GTF2A1L: variants seen among roughly 807,000 people sequenced by gnomAD.
The protein encoded by GTF2A1L is TFIIA-alpha and beta-like factor.
In GTF2A1L, 48 loss-of-function variants were observed where a neutral mutation model predicts 49.7. The ratio of observed to expected loss-of-function variants is 0.97; its 90% confidence interval spans 0.77 to 1.23. The LOEUF (loss-of-function observed/expected upper bound fraction) is 1.23. GTF2A1L is among the 50% of genes most tolerant of loss of function. The probability of loss-of-function intolerance (pLI) is 0.00; values close to 1 mark genes in which losing one functional copy is unlikely to be tolerated. For synonymous variants in GTF2A1L, 246 were observed against 193.5 expected, an observed-to-expected ratio of 1.27 and a Z score of -2.25; for missense variants, 736 against 564.8, an observed-to-expected ratio of 1.30 and a Z score of -3.07.
chr2:48,622,690 C>T (rs529864516), intron 3 of GTF2A1L, among the ~76,000 whole-genome samples: 8 of 152,136 alleles, frequency 5.3e-5, no homozygotes, highest in Admixed American at 3.9e-4. Flanking sequence ...AAAAATTAGC[C>T]AGGCGTGGTG....
intron 3 of GTF2A1L, 155 bp downstream of exon 3, chr2:48,621,445 C>G: frequency 2.1e-6 from 2 of 964,898 alleles, no homozygotes; most frequent in Non-Finnish European, 2.8e-6. Context: ...AATCATTGCC[C>G]CATGTAATTA....
rs1385880580 is a variant in GTF2A1L, at chr2:48,673,623, A to G, written c.1329+1943A>G. On this transcript the variant is annotated intron_variant, in intron 8 of 8. Coordinates refer to ENST00000403751, the MANE Select transcript of GTF2A1L (RefSeq NM_006872.5). ...ATCTACCCACCTGGGAAGTGCTGGGATTATAGGTGTGAGCCACTGCACCCA... is the reference window on the plus strand; with the variant it reads ...ATCTACCCACCTGGGAAGTGCTGGGGTTATAGGTGTGAGCCACTGCACCCA... Among the ~76,000 whole-genome samples, 3 of 152,050 alleles carry G rather than the reference A, an allele frequency of 2.0e-5. No individual in the cohort carries two copies. The East Asian group carries it at 5.8e-4, about 29-fold the overall frequency.
chr2:48,632,410 G>T (rs1354587203), intron 3 of GTF2A1L: 1 of 150,394 alleles, frequency 6.6e-6, no homozygotes, highest in Non-Finnish European at 1.5e-5. Flanking sequence ...TTTTGACAGA[G>T]TCTTACTCTG....
intron 8 of GTF2A1L, among the ~76,000 whole-genome samples, chr2:48,676,358 C>T (rs1038441028): frequency 1.3e-5 from 2 of 151,454 alleles, no homozygotes; most frequent in African/African-American, 2.4e-5. Flanking sequence ...CTATTAAATC[C>T]CCAGAAATGG....
chr2:48,619,753 A>T (rs1234524265), intron 1 of GTF2A1L, among the ~76,000 whole-genome samples: 1 of 152,222 alleles, frequency 6.6e-6, no homozygotes, highest in Non-Finnish European at 1.5e-5. Context: ...GGCATAGTTT[A>T]TATAGATATG....
intron 8 of GTF2A1L, among the ~76,000 whole-genome samples, chr2:48,674,633 A>T (rs1047926891): frequency 6.6e-6 from 1 of 152,172 alleles, no homozygotes; most frequent in African/African-American, 2.4e-5. Flanking sequence ...TCTATAAAAA[A>T]ACATTATAAG....
Position 48,627,690 on chromosome 2 carries a change from T to C in GTF2A1L, c.247+6400T>C, listed in dbSNP as rs1327066161. The stretch of plus-strand genomic sequence containing the variant: ...CAGATATTCTTTCAAGTAAAAATGG[T>C]GTTTCTTGAAAAAAGAGGCCATGTT... On this transcript the variant is annotated intron_variant, in intron 3 of 8. Transcript: ENST00000403751. Among the ~76,000 whole-genome samples, 6 of 144,318 alleles carry C rather than the reference T, an allele frequency of 4.2e-5. 1 individual carries two copies. The Admixed American group carries it at 4.2e-4, about 10-fold the overall frequency. The allele number at this position is 144,318 out of a possible 152,430, so 94.7% of individuals were successfully genotyped here.
intron 3 of GTF2A1L, among the ~76,000 whole-genome samples, chr2:48,629,253 A>AG (rs1198689651): frequency 2.1e-5 from 3 of 143,750 alleles, no homozygotes; most frequent in African/African-American, 7.4e-5. Flanking sequence ...AAAAAAAAAA[A>AG]GTGACTTTAT....
chr2:48,621,023 C>T (rs1238270668), intron 2 of GTF2A1L, 71 bp downstream of exon 2: 1 of 1,527,022 alleles, frequency 6.5e-7, no homozygotes, highest in Non-Finnish European at 8.8e-7. Context: ...TGATATAGTT[C>T]TGATCTCTCA....
In GTF2A1L at chr2:48,625,127, G is replaced by T. The variant is rs1227298349; in HGVS notation, c.247+3837G>T. 1.4e-5 allele frequency among the ~76,000 whole-genome samples: 2 copies of T among 143,732 alleles called. 1 individual carries two copies. Among genetic ancestry groups the T allele is most frequent in the Non-Finnish European group, 3.1e-5 (2 of 63,794 alleles). 94.3% of individuals were successfully genotyped at this position (143,732 alleles called of 152,430 possible). ...GTAATTCTATTTTTAATTTATTTAG[G>T]AATCTCTGCACAGTTTTATACAATG... On this transcript the variant is annotated intron_variant, in intron 3 of 8. Coordinates refer to ENST00000403751, the MANE Select transcript of GTF2A1L (RefSeq NM_006872.5).
chr2:48,643,295 A>G (rs996395871), intron 4 of GTF2A1L, among the ~76,000 whole-genome samples: 1 of 152,218 alleles, frequency 6.6e-6, no homozygotes, highest in Non-Finnish European at 1.5e-5. Flanking sequence ...TTTTTCGGGT[A>G]GAGAAGAATA....
rs5830998 is a variant in GTF2A1L at position 48,677,978 on chromosome 2, GGTGTGTGT to G, written c.1330-1332_1330-1325del. Among the ~76,000 whole-genome samples the G allele has an allele frequency of 3.0e-3, 438 of 148,030 alleles. 1 individual carries two copies. The highest frequency in any genetic ancestry group is 6.9e-3 in the Middle Eastern group (2 of 288). ...TGTCATAGTTGTAAACTCTGAGATG[GGTGTGTGT>G]GTGTGTGTGTGTGTGTGTGTGTGTA... On this transcript the variant is annotated intron_variant, in intron 8 of 8. Transcript: ENST00000403751.
intron 1 of GTF2A1L, among the ~76,000 whole-genome samples, chr2:48,619,125 T>C (rs545538013): frequency 6.6e-6 from 1 of 152,300 alleles, no homozygotes; most frequent in African/African-American, 2.4e-5. Flanking sequence ...CCTATTCGTA[T>C]AGGTTTACCC....
At chr2:48,675,664 C>T (rs963316423) in intron 8 of GTF2A1L, among the ~76,000 whole-genome samples, 1 of 151,906 alleles carries the variant, frequency 6.6e-6, no homozygotes, top group African/African-American at 2.4e-5. Flanking sequence ...TGGAGGTGTT[C>T]TGTGCTACAA....
intron 6 of GTF2A1L, among the ~76,000 whole-genome samples, chr2:48,665,197 C>A (rs528677129): frequency 6.6e-6 from 1 of 151,908 alleles, no homozygotes; most frequent in Non-Finnish European, 1.5e-5. Flanking sequence ...GCTGGGATTA[C>A]GGGTGCGAGC....
At chr2:48,658,917 A>T (rs985861280) in intron 6 of GTF2A1L, among the ~76,000 whole-genome samples, 1 of 151,960 alleles carries the variant, frequency 6.6e-6, no homozygotes, top group Non-Finnish European at 1.5e-5. Flanking sequence ...TGCTTGTATG[A>T]AAAAGCTCTT....
At chr2:48,665,197 C>G (rs528677129) in intron 6 of GTF2A1L, among the ~76,000 whole-genome samples, 1 of 151,908 alleles carries the variant, frequency 6.6e-6, no homozygotes, top group African/African-American at 2.4e-5. Flanking sequence ...GCTGGGATTA[C>G]GGGTGCGAGC....
intron 1 of GTF2A1L, among the ~76,000 whole-genome samples, chr2:48,618,477 A>G (rs752987671): frequency 2.0e-5 from 3 of 152,188 alleles, no homozygotes; most frequent in Non-Finnish European, 4.4e-5. Context: ...CATCAATCTT[A>G]AAAACCTGAA....
chr2:48,637,661 A>G (rs528676280), intron 3 of GTF2A1L, among the ~76,000 whole-genome samples: 61 of 152,280 alleles, frequency 4.0e-4, no homozygotes, highest in African/African-American at 1.4e-3. Flanking sequence ...ACAAAAAACC[A>G]TTCAAAAGAT....
Sources: allele counts gnomAD v4.1 joint callset (sites outside exome capture counted in the v4.1 genomes callset), GRCh38; gene constraint gnomAD v4.1.1; transcripts MANE v1.5; gene names NCBI Gene and HGNC (gene_info 2026-07-23, HGNC 2026-07-21).